Variants in CUL2 observed in about 807,000 individuals in gnomAD.
CUL2 encodes cullin 2, also known as cullin-2.
CUL2 carries 22 observed loss-of-function variants against 110.2 expected under a neutral mutation model. The observed-to-expected ratio is 0.20, with a 90% CI of 0.14 to 0.28. The LOEUF is 0.28. Ranked by LOEUF, CUL2 falls within the 10% of genes least tolerant of loss-of-function variation. The probability of loss-of-function intolerance (pLI) is 1.00; values close to 1 mark genes in which losing one functional copy is unlikely to be tolerated. For missense variants in CUL2, 631 were observed against 905.5 expected, an observed-to-expected ratio of 0.70 and a Z score of 3.89; for synonymous variants, 279 against 293.2, an observed-to-expected ratio of 0.95 and a Z score of 0.49.
Position 35,070,573 on chromosome 10 carries a change from T to C in CUL2, c.119+626A>G, listed in dbSNP as rs138485947. 2.5e-3 allele frequency among the ~76,000 whole-genome samples: 383 copies of C among 152,298 alleles called. 3 individuals are homozygous for C. The highest frequency in any genetic ancestry group is 8.9e-3 in the African/African-American group (371 of 41,570). On this transcript the variant is annotated intron_variant, in intron 2 of 20. Transcript: ENST00000374749. Reference sequence around the variant, plus strand: ...CAGGAAACTAGGCTTCAGGGCATCCTAGAGAAATCACCAATCTGCATTGTT... The same window carrying C: ...CAGGAAACTAGGCTTCAGGGCATCCCAGAGAAATCACCAATCTGCATTGTT...
chr10:35,090,279 C>G lies in CUL2; in HGVS notation c.-123G>C. 6.4e-6 allele frequency: 1 copy of G among 157,210 alleles called. No homozygotes were observed. The highest frequency in any genetic ancestry group is 1.4e-5 in the Non-Finnish European group (1 of 71,508). The allele number at this position is 157,210 out of a possible 1,614,324, so 9.7% of individuals were successfully genotyped here. A position where few individuals can be genotyped will look rare whatever the true frequency, so the allele number is the denominator to read the frequency against. On this transcript the variant is annotated 5_prime_UTR_variant, in exon 1 of 21. Coordinates refer to ENST00000374749, the MANE Select transcript of CUL2 (RefSeq NM_003591.4). Reference sequence around the variant, plus strand: ...CGGCGAGGAAGGTGGGCGGAGGCGGCGGCGGCGGCGGCTGTCAGCTCGCGT... The same window carrying G: ...CGGCGAGGAAGGTGGGCGGAGGCGGGGGCGGCGGCGGCTGTCAGCTCGCGT...
intron 1 of CUL2, among the ~76,000 whole-genome samples, chr10:35,109,749 G>C (rs1342146286): frequency 1.3e-5 from 2 of 152,208 alleles, no homozygotes; most frequent in Non-Finnish European, 2.9e-5. Context: ...TAATGAAAAG[G>C]AAGACCAAAG....
chr10:35,105,500 G>A (rs113702552), intron 1 of CUL2, among the ~76,000 whole-genome samples: 3,943 of 150,290 alleles, frequency 0.026, 166 homozygotes, highest in African/African-American at 0.092. Context: ...CACTTTGGGA[G>A]GGAGACCATC....
intron 5 of CUL2, among the ~76,000 whole-genome samples, chr10:35,052,670 C>A (rs576336065): frequency 6.6e-6 from 1 of 151,988 alleles, no homozygotes; most frequent in Non-Finnish European, 1.5e-5. Flanking sequence ...CGGAGGCAGG[C>A]GGATCACAAG....
chr10:35,015,593 T>G (rs780232438), intron 18 of CUL2, among the ~76,000 whole-genome samples: 1 of 152,172 alleles, frequency 6.6e-6, no homozygotes, highest in Non-Finnish European at 1.5e-5. Context: ...TTTTAACTAT[T>G]TAAACATCTA....
intron 2 of CUL2, among the ~76,000 whole-genome samples, chr10:35,067,617 A>G (rs549223121): frequency 6.6e-6 from 1 of 151,946 alleles, no homozygotes; most frequent in African/African-American, 2.4e-5. Context: ...CAGGTCATGC[A>G]CATGTAATCC....
chr10:35,051,133 G>T (rs949594396), intron 5 of CUL2, among the ~76,000 whole-genome samples: 2 of 151,836 alleles, frequency 1.3e-5, no homozygotes, highest in African/African-American at 2.4e-5. Context: ...GGCTAACAGG[G>T]TGAAACCCCA....
chr10:35,087,335 TA>T (rs2135067411), intron 1 of CUL2, among the ~76,000 whole-genome samples: 2 of 152,328 alleles, frequency 1.3e-5, no homozygotes, highest in Non-Finnish European at 2.9e-5. Flanking sequence ...TACCAATAAA[TA>T]AATGCTGATG....
At chr10:35,108,673 T>C (rs533996040) in intron 1 of CUL2, among the ~76,000 whole-genome samples, 4 of 152,258 alleles carry the variant, frequency 2.6e-5, no homozygotes, top group African/African-American at 9.6e-5. Context: ...GTGGCTTAGC[T>C]GAATAGTTCT....
At chr10:35,066,327 G>A (rs1410585825) in intron 2 of CUL2, among the ~76,000 whole-genome samples, 1 of 151,284 alleles carries the variant, frequency 6.6e-6, no homozygotes, top group South Asian at 2.1e-4. Flanking sequence ...TTTTGAGACG[G>A]AGTTTCGCTC....
rs2087427952 is a variant in CUL2, at chr10:35,104,453, T to G, written c.-50-3393A>C. Among the ~76,000 whole-genome samples the G allele has an allele frequency of 1.3e-5, 2 of 152,108 alleles. 1 individual carries two copies. Among genetic ancestry groups the G allele is most frequent in the South Asian group, 4.1e-4 (2 of 4,830 alleles). ...TGGCCCCAGACATTACTCTTCCCAT[T>G]AAGGTTAACCCCTTGACTTCCTGGT... is the stretch of plus-strand genomic sequence containing the variant. On this transcript the variant is annotated intron_variant, in intron 1 of 5. Transcript: ENST00000685421.
chr10:35,054,382 T>C, intron 5 of CUL2, 52 bp downstream of exon 5: 1 of 955,430 alleles, frequency 1.0e-6, no homozygotes. Context: ...TCAAATTACC[T>C]CAGTGTATAA....
intron 10 of CUL2, among the ~76,000 whole-genome samples, chr10:35,034,902 T>C (rs1177385767): frequency 6.6e-6 from 1 of 152,182 alleles, no homozygotes; most frequent in Non-Finnish European, 1.5e-5. Context: ...TATTTAAAAA[T>C]GGCGAGCTTA....
chr10:35,072,632 T>C (rs1312329590), intron 1 of CUL2, among the ~76,000 whole-genome samples: 5 of 152,294 alleles, frequency 3.3e-5, no homozygotes, highest in African/African-American at 4.8e-5. Context: ...CCTCCCAAAG[T>C]GCAGGGATTA....
chr10:35,078,393 G>C (rs998748922), intron 1 of CUL2, among the ~76,000 whole-genome samples: 4 of 151,116 alleles, frequency 2.6e-5, no homozygotes, highest in Non-Finnish European at 5.9e-5. Flanking sequence ...CATCCCAGGT[G>C]TGAGCAATTC....
intron 1 of CUL2, among the ~76,000 whole-genome samples, chr10:35,071,781 A>G (rs1236829994): frequency 6.6e-6 from 1 of 152,222 alleles, no homozygotes; most frequent in East Asian, 1.9e-4. Context: ...AACCCGGCAC[A>G]CAACAAAATG....
In CUL2 at chr10:35,031,405, T is replaced by C. The variant is rs2085476780; in HGVS notation, c.1300-19A>G. The C allele has an allele frequency of 6.3e-7, 1 of 1,599,628 alleles. No individual in the cohort carries two copies. The highest frequency in any genetic ancestry group is 2.2e-5 in the East Asian group (1 of 44,740). On this transcript the variant is annotated intron_variant, in intron 13 of 20. Transcript: ENST00000374749. The surrounding 1 kb of genome is among the most constrained non-coding windows in gnomAD (Gnocchi z 4.4). ...CGTAGAACTACATTTAAAAATATTTTAAAAGATTACTTCCTTTCTAATGAT... is the reference window on the plus strand; with the variant it reads ...CGTAGAACTACATTTAAAAATATTTCAAAAGATTACTTCCTTTCTAATGAT...
chr10:35,101,803 A>G (rs1355245348), intron 1 of CUL2, among the ~76,000 whole-genome samples: 2 of 152,380 alleles, frequency 1.3e-5, no homozygotes, highest in Non-Finnish European at 2.9e-5. Context: ...GTAGCAGTAC[A>G]GCTTGTGCTC....
chr10:35,061,299 C>T (rs1383779565), intron 3 of CUL2, among the ~76,000 whole-genome samples: 2 of 151,786 alleles, frequency 1.3e-5, no homozygotes, highest in Non-Finnish European at 2.9e-5. Context: ...CATGGTGAAA[C>T]CCCGTCTCTA....
Sources: gnomAD v4.1 joint callset for allele counts (sites outside exome capture counted in the v4.1 genomes callset) on GRCh38, gnomAD v4.1.1 for gene constraint, Gnocchi (gnomAD v3.1) non-coding constraint, MANE v1.5 for transcripts, NCBI Gene and HGNC (gene_info 2026-07-23, HGNC 2026-07-21) for gene names.